Variants in SPMIP7 observed in about 807,000 individuals in gnomAD.
The protein encoded by SPMIP7 is protein SPMIP7.
the SPMIP7 span, among the ~76,000 whole-genome samples, chr7:50,116,186 G>A: frequency 3.3e-5 from 5 of 152,308 alleles, no homozygotes; most frequent in East Asian, 9.6e-4. Flanking sequence ...CGTGATCACA[G>A]CTCACTGCAG....
chr7:50,105,888 G>C, the SPMIP7 span, among the ~76,000 whole-genome samples: 42 of 152,254 alleles, frequency 2.8e-4, no homozygotes, highest in African/African-American at 1.0e-3. Context: ...GCAAATCAAA[G>C]TGAACCTTAT....
the SPMIP7 span, among the ~76,000 whole-genome samples, chr7:50,143,044 G>A: frequency 6.6e-6 from 1 of 151,772 alleles, no homozygotes; most frequent in Non-Finnish European, 1.5e-5. Flanking sequence ...TCATCTTAAA[G>A]TTTCTTGAAG....
the SPMIP7 span, among the ~76,000 whole-genome samples, chr7:50,107,137 C>T: frequency 6.6e-6 from 1 of 151,540 alleles, no homozygotes; most frequent in African/African-American, 2.4e-5. Flanking sequence ...AGGTGGATCA[C>T]CTGAGGTCAG....
chr7:50,096,745 T>A, the SPMIP7 span: 1 of 874,924 alleles, frequency 1.1e-6, no homozygotes. Flanking sequence ...TACAATGATC[T>A]GAAAAAGGTT....
At chr7:50,132,573 C>T in the SPMIP7 span, among the ~76,000 whole-genome samples, 1 of 152,064 alleles carries the variant, frequency 6.6e-6, no homozygotes, top group Non-Finnish European at 1.5e-5. Flanking sequence ...TGAAATTTAT[C>T]AGAGGCTCAA....
the SPMIP7 span, chr7:50,141,302 T>A: frequency 1.5e-3 from 2,312 of 1,551,608 alleles, 44 homozygotes; most frequent in African/African-American, 0.029. Flanking sequence ...AGTCTACAAA[T>A]GCTGATGATG....
chr7:50,154,981 G>A, the SPMIP7 span, among the ~76,000 whole-genome samples: 7 of 152,102 alleles, frequency 4.6e-5, no homozygotes, highest in Non-Finnish European at 2.9e-5. Flanking sequence ...CACCATTTTT[G>A]TTGTCTTTGG....
the SPMIP7 span, among the ~76,000 whole-genome samples, chr7:50,125,265 C>T: frequency 1.4e-3 from 103 of 74,314 alleles, 1 homozygote; most frequent in East Asian, 0.033. Flanking sequence ...TATATACACA[C>T]ATATATATAC....
At chr7:50,096,653 A>T in the SPMIP7 span, 1 of 1,496,128 alleles carries the variant, frequency 6.7e-7, no homozygotes. Flanking sequence ...ATGAAGTGAC[A>T]TGAACTTTCT....
chr7:50,155,956 A>T, the SPMIP7 span, among the ~76,000 whole-genome samples: 10 of 149,348 alleles, frequency 6.7e-5, no homozygotes, highest in African/African-American at 2.2e-4. Context: ...AGAAAAAGTG[A>T]CACTAACCAA....
At chr7:50,106,663 T>A in the SPMIP7 span, among the ~76,000 whole-genome samples, 1 of 152,174 alleles carries the variant, frequency 6.6e-6, no homozygotes. Context: ...AAGTACACTA[T>A]GAGTGAGAAT....
At chr7:50,119,944 C>T in the SPMIP7 span, among the ~76,000 whole-genome samples, 1 of 152,196 alleles carries the variant, frequency 6.6e-6, no homozygotes, top group Non-Finnish European at 1.5e-5. Flanking sequence ...CTGAACCTGG[C>T]TCACGCGCTA....
chr7:50,099,562 A>C, the SPMIP7 span, among the ~76,000 whole-genome samples: 1 of 152,196 alleles, frequency 6.6e-6, no homozygotes, highest in South Asian at 2.1e-4. Flanking sequence ...TTCACCCTTC[A>C]GCCTGGCCAG....
the SPMIP7 span, among the ~76,000 whole-genome samples, chr7:50,100,837 A>C: frequency 6.6e-6 from 1 of 151,354 alleles, no homozygotes; most frequent in South Asian, 2.1e-4. Flanking sequence ...ATAAATAAAT[A>C]AATAAATATG....
At chr7:50,143,395 G>T in the SPMIP7 span, among the ~76,000 whole-genome samples, 1 of 152,076 alleles carries the variant, frequency 6.6e-6, no homozygotes, top group Non-Finnish European at 1.5e-5. Context: ...TGAAACTCCT[G>T]ACCTCAAGTG....
the SPMIP7 span, among the ~76,000 whole-genome samples, chr7:50,112,710 A>G: frequency 6.6e-6 from 1 of 152,136 alleles, no homozygotes; most frequent in African/African-American, 2.4e-5. Flanking sequence ...TGAGCCCTGC[A>G]ATTACACCAG....
At chr7:50,130,548 AC>A in the SPMIP7 span, among the ~76,000 whole-genome samples, 2 of 152,164 alleles carry the variant, frequency 1.3e-5, no homozygotes, top group African/African-American at 4.8e-5. Context: ...ACACAGCCAA[AC>A]CATATCAAAA....
chr7:50,145,049 G>T, the SPMIP7 span, among the ~76,000 whole-genome samples: 2 of 151,954 alleles, frequency 1.3e-5, no homozygotes, highest in African/African-American at 4.8e-5. Flanking sequence ...ATCACCTGAG[G>T]TGAGGAGTTG....
chr7:50,156,792 C>T, the SPMIP7 span, among the ~76,000 whole-genome samples: 1 of 152,132 alleles, frequency 6.6e-6, no homozygotes, highest in African/African-American at 2.4e-5. Flanking sequence ...GTGCTGGCCT[C>T]TCCCAGCTGG....
Sources: gnomAD v4.1 joint callset for allele counts (sites outside exome capture counted in the v4.1 genomes callset) on GRCh38, gnomAD v4.1.1 for gene constraint, MANE v1.5 for transcripts, NCBI Gene and HGNC (gene_info 2026-07-23, HGNC 2026-07-21) for gene names.